SLC39A14: variants seen among roughly 807,000 people sequenced by gnomAD.
SLC39A14 encodes solute carrier family 39 member 14, also known as metal cation symporter ZIP14.
A neutral mutation model predicts 45.5 loss-of-function variants in SLC39A14; 19 were observed. That is an observed-to-expected ratio of 0.42 (90% CI 0.29 to 0.61). The LOEUF is 0.61. Ranked by LOEUF, SLC39A14 falls within the 20% of genes least tolerant of loss-of-function variation. SLC39A14 has a pLI of 0.22. For missense variants in SLC39A14, 447 were observed against 616.5 expected (o/e 0.73, Z 2.91); for synonymous variants, 264 against 251.3 (o/e 1.05, Z -0.48).
At chr8:22,392,894 G>A (rs1245225186) in intron 1 of SLC39A14, 2 of 152,262 alleles carry the variant, frequency 1.3e-5, no homozygotes, top group African/African-American at 4.8e-5. Flanking sequence ...GCCGCTGCCT[G>A]GGGCCCTGAC....
At chr8:22,429,467 T>C (rs1586763709) in intron 8 of SLC39A14, among the ~76,000 whole-genome samples, 3 of 152,228 alleles carry the variant, frequency 2.0e-5, no homozygotes, top group Admixed American at 2.0e-4. Context: ...GAAGTAAATA[T>C]GCAAAATGTT....
chr8:22,415,417 C>T (rs941944138), intron 5 of SLC39A14: 2 of 224,186 alleles, frequency 8.9e-6, no homozygotes, highest in Non-Finnish European at 1.7e-5. Context: ...GAGGAGACAG[C>T]TTTGATATCT....
At chr8:22,386,367 A>G (rs1278321018) in intron 1 of SLC39A14, among the ~76,000 whole-genome samples, 2 of 144,300 alleles carry the variant, frequency 1.4e-5, no homozygotes, top group Non-Finnish European at 3.0e-5. Context: ...CCCGGGTTCG[A>G]GGGATTCTCC....
At position 22,414,858 on chromosome 8, in the gene SLC39A14, T is replaced by C. The variant is rs1011161762; in HGVS notation, c.706T>C (p.Phe236Leu). ...VVFGGFYLFFFTEKILKILLK... is the reference protein window; with the variant it reads ...VVFGGFYLFFLTEKILKILLK... ...GTTTGGGGGCTTTTATCTTTTCTTT[T>C]TCACAGAGAAGATCTTGAAGATTCT... Residue 236 changes from phenylalanine to leucine, a missense_variant, in exon 5 of 9, where the codon TTC (phenylalanine) becomes CTC (leucine). Phe to Leu is a conservative substitution (Grantham distance 22). Coordinates refer to ENST00000381237, the MANE Select transcript of SLC39A14 (RefSeq NM_001128431.4). 1 of 1,613,352 alleles carries C rather than the reference T, an allele frequency of 6.2e-7. No homozygotes were observed. The highest frequency in any genetic ancestry group is 1.7e-5 in the Admixed American group (1 of 59,854).
chr8:22,404,159 C>T (rs1342684538), intron 1 of SLC39A14, among the ~76,000 whole-genome samples: 1 of 152,150 alleles, frequency 6.6e-6, no homozygotes, highest in Non-Finnish European at 1.5e-5. Context: ...TGCAGTGGCT[C>T]ACGCCTGTAA....
rs1834835702 is a variant in SLC39A14, at chr8:22,401,269, C to T, written c.-15-3427C>T. 2.6e-5 allele frequency among the ~76,000 whole-genome samples: 4 copies of T among 152,220 alleles called. No individual in the cohort carries two copies. In the South Asian group the frequency reaches 6.2e-4, roughly 24 times the overall value. The stretch of plus-strand genomic sequence containing the variant: ...TGCTCTCAGCCACTCTGCCGCTGTT[C>T]CTCTGTCGTAAGCAAAGCCTCAGGG... On this transcript the variant is annotated intron_variant, in intron 1 of 8. Transcript: ENST00000381237.
intron 1 of SLC39A14, among the ~76,000 whole-genome samples, chr8:22,382,141 CA>C (rs1194966770): frequency 6.6e-6 from 1 of 151,526 alleles, no homozygotes; most frequent in Non-Finnish European, 1.5e-5. Flanking sequence ...GACTCTGTCT[CA>C]AAAACAACAA....
At chr8:22,392,517 G>C (rs1441345322) in intron 1 of SLC39A14, among the ~76,000 whole-genome samples, 1 of 152,192 alleles carries the variant, frequency 6.6e-6, no homozygotes, top group East Asian at 1.9e-4. Flanking sequence ...TGAGTACCGC[G>C]TTTCCTAAGC....
rs953875147 is a variant in SLC39A14 at position 22,419,914 on chromosome 8, C to G, written c.*216C>G. ...CAGTCTCTAGCTAGTGCCTCTTGCC[C>G]TCTCCTCACCTCCTTTTCTCTCAGT... is the stretch of plus-strand genomic sequence containing the variant. On this transcript the variant is annotated 3_prime_UTR_variant, in exon 9 of 9. Coordinates refer to ENST00000381237, the MANE Select transcript of SLC39A14 (RefSeq NM_001128431.4). 8.0e-6 allele frequency: 10 copies of G among 1,247,996 alleles called. No individual in the cohort carries two copies. In the African/African-American group the frequency reaches 1.5e-4, roughly 19 times the overall value. 77.3% of individuals were successfully genotyped at this position (1,247,996 alleles called of 1,614,324 possible).
intron 1 of SLC39A14, among the ~76,000 whole-genome samples, chr8:22,383,218 C>T (rs560682304): frequency 1.6e-4 from 25 of 152,246 alleles, no homozygotes; most frequent in African/African-American, 5.8e-4. Context: ...GGACTGCCTC[C>T]CAGCCAATTT....
intron 1 of SLC39A14, among the ~76,000 whole-genome samples, chr8:22,399,418 G>A (rs769272754): frequency 6.6e-6 from 1 of 152,226 alleles, no homozygotes; most frequent in East Asian, 1.9e-4. Flanking sequence ...GGGGTCACTT[G>A]GACTTAAGTG....
chr8:22,403,656 T>C (rs111555588), intron 1 of SLC39A14, among the ~76,000 whole-genome samples: 84,968 of 151,042 alleles, frequency 0.56, 24,795 homozygotes, highest in African/African-American at 0.73. Flanking sequence ...CAGTGGCTCA[T>C]GCCTATAATC....
At position 22,416,793 on chromosome 8, in the gene SLC39A14, G is replaced by C. The variant is rs537669034; in HGVS notation, c.1147+513G>C. On this transcript the variant is annotated intron_variant, in intron 7 of 8. Transcript: ENST00000381237. ...TTAAAATGATGGGGTTTTTACAGGG[G>C]TGTTTGTTTCCTTTTAGCCCCATAT... Among the ~76,000 whole-genome samples the C allele has an allele frequency of 1.4e-4, 22 of 152,264 alleles. No homozygotes were observed. In the East Asian group the frequency reaches 4.2e-3, roughly 29 times the overall value.
rs765117708 is a variant in SLC39A14, at chr8:22,414,771, G to A, written c.628-9G>A. ...CTTTAAAACTCATTTTCTTTTCCTG[G>A]GTCCACAGGCATTTGGTTTCAACCC... is the stretch of plus-strand genomic sequence containing the variant. On this transcript the variant is annotated splice_polypyrimidine_tract_variant and intron_variant, in intron 4 of 8. Coordinates refer to ENST00000381237, the MANE Select transcript of SLC39A14 (RefSeq NM_001128431.4). The A allele has an allele frequency of 3.8e-6, 6 of 1,585,876 alleles. No homozygotes were observed.
downstream of SLC39A14, among the ~76,000 whole-genome samples, chr8:22,425,900 G>GT (rs201657706): frequency 2.5e-3 from 232 of 91,034 alleles, 2 homozygotes; most frequent in East Asian, 0.055. Flanking sequence ...TTTTTTTTTT[G>GT]TTTTTTTTTG....
chr8:22,432,818 G>T (rs7818167), intron 8 of SLC39A14, among the ~76,000 whole-genome samples: 2,805 of 74,872 alleles, frequency 0.037, 124 homozygotes, highest in Non-Finnish European at 0.046. Flanking sequence ...CGGCTATTTT[G>T]TTTTTTTTTT....
At chr8:22,432,396 CTCTG>C (rs1198237743) in intron 8 of SLC39A14, among the ~76,000 whole-genome samples, 2 of 134,426 alleles carry the variant, frequency 1.5e-5, no homozygotes, top group Non-Finnish European at 3.3e-5. Context: ...TTTTCTTTCA[CTCTG>C]TCTCTCTTTC....
chr8:22,369,308 G>A (rs1183084430), intron 1 of SLC39A14, among the ~76,000 whole-genome samples: 1 of 152,230 alleles, frequency 6.6e-6, no homozygotes, highest in South Asian at 2.1e-4. Context: ...TTCGATCCAG[G>A]TGTTGACTGA....
At chr8:22,380,382 T>C (rs1833441222) in intron 1 of SLC39A14, among the ~76,000 whole-genome samples, 1 of 152,164 alleles carries the variant, frequency 6.6e-6, no homozygotes, top group Non-Finnish European at 1.5e-5. Context: ...CAGCAGTGTT[T>C]GGTCCAGCAG....
Sources: gnomAD v4.1 joint callset for allele counts (sites outside exome capture counted in the v4.1 genomes callset) on GRCh38, gnomAD v4.1.1 for gene constraint, MANE v1.5 for transcripts, NCBI Gene and HGNC (gene_info 2026-07-23, HGNC 2026-07-21) for gene names.